The following SHISA9 variants were observed in gnomAD, a reference collection of about 807,000 sequenced individuals.
SHISA9 encodes the protein protein shisa-9.
In SHISA9, 13 loss-of-function variants were observed where a neutral mutation model predicts 38.0. That is an observed-to-expected ratio of 0.34 (90% CI 0.22 to 0.54). The LOEUF (loss-of-function observed/expected upper bound fraction) is 0.54. Ranked by LOEUF, SHISA9 falls within the 20% of genes least tolerant of loss-of-function variation. The probability of loss-of-function intolerance (pLI) is 0.91; values close to 1 mark genes in which losing one functional copy is unlikely to be tolerated. For synonymous variants in SHISA9, 275 were observed against 242.0 expected, an observed-to-expected ratio of 1.14 and a Z score of -1.27; for missense variants, 538 against 575.8, an observed-to-expected ratio of 0.93 and a Z score of 0.67.
At chr16:13,364,131 G>GT in the SHISA9 span, among the ~76,000 whole-genome samples, 3 of 152,228 alleles carry the variant, frequency 2.0e-5, no homozygotes, top group African/African-American at 7.2e-5. Context: ...CTCTTTAAAT[G>GT]TATGTGTCAT....
chr16:13,469,422 A>AG, the SHISA9 span, among the ~76,000 whole-genome samples: 226 of 102,124 alleles, frequency 2.2e-3, 1 homozygote, highest in African/African-American at 7.5e-3. Context: ...AGAAAGAAAG[A>AG]AAAAGAAAGA....
intron 2 of SHISA9, among the ~76,000 whole-genome samples, chr16:12,956,920 A>T (rs1451438790): frequency 1.3e-5 from 2 of 152,188 alleles, no homozygotes; most frequent in Non-Finnish European, 2.9e-5. Context: ...ACCTAGATAA[A>T]GTTATAGATA....
chr16:12,960,949 C>G (rs963977893), intron 2 of SHISA9, among the ~76,000 whole-genome samples: 2 of 151,698 alleles, frequency 1.3e-5, no homozygotes, highest in Admixed American at 6.6e-5. Flanking sequence ...GGCTTTGAGT[C>G]TATTTTGGGA....
At chr16:13,438,655 A>G in the SHISA9 span, among the ~76,000 whole-genome samples, 1 of 152,172 alleles carries the variant, frequency 6.6e-6, no homozygotes, top group Non-Finnish European at 1.5e-5. Context: ...AAATAGGGGG[A>G]AAATAATCAT....
chr16:13,359,926 C>A, the SHISA9 span, among the ~76,000 whole-genome samples: 3 of 152,212 alleles, frequency 2.0e-5, no homozygotes, highest in Admixed American at 6.5e-5. Context: ...TCCCCCAAGA[C>A]TCAAGAAAGC....
At chr16:13,264,477 T>G in the SHISA9 span, among the ~76,000 whole-genome samples, 1 of 152,154 alleles carries the variant, frequency 6.6e-6, no homozygotes, top group African/African-American at 2.4e-5. Context: ...TGGCCTGTTT[T>G]AAATCTTGAG....
At chr16:13,484,590 G>A in the SHISA9 span, among the ~76,000 whole-genome samples, 391 of 152,272 alleles carry the variant, frequency 2.6e-3, 1 homozygote, top group African/African-American at 8.8e-3. Flanking sequence ...GTATTAGTCC[G>A]TTCTCACATT....
chr16:13,488,966 G>C, the SHISA9 span, among the ~76,000 whole-genome samples: 2 of 152,056 alleles, frequency 1.3e-5, no homozygotes, highest in African/African-American at 4.8e-5. Context: ...CTAGAGACGG[G>C]GTTTCACCAC....
chr16:12,938,220 T>C (rs1015086735), intron 2 of SHISA9, among the ~76,000 whole-genome samples: 4 of 152,316 alleles, frequency 2.6e-5, no homozygotes, highest in South Asian at 2.1e-4. Flanking sequence ...TATTTTCCGA[T>C]GGGTCAGTTC....
At chr16:13,551,157 T>C in the SHISA9 span, among the ~76,000 whole-genome samples, 2 of 149,994 alleles carry the variant, frequency 1.3e-5, no homozygotes, top group African/African-American at 2.4e-5. Context: ...GGCACAAAGA[T>C]AAAAATCCAC....
At chr16:13,141,839 C>A (rs2050404723) in intron 2 of SHISA9, among the ~76,000 whole-genome samples, 1 of 152,116 alleles carries the variant, frequency 6.6e-6, no homozygotes, top group Admixed American at 6.5e-5. Flanking sequence ...AGGAAATAGG[C>A]AAGTCATGGG....
the SHISA9 span, among the ~76,000 whole-genome samples, chr16:13,337,288 C>G: frequency 4.6e-5 from 7 of 152,118 alleles, no homozygotes; most frequent in Non-Finnish European, 1.5e-5. Context: ...CCATACTGTT[C>G]TCATGGTAGT....
At chr16:13,137,098 G>A in intron 2 of SHISA9, among the ~76,000 whole-genome samples, 1 of 152,180 alleles carries the variant, frequency 6.6e-6, no homozygotes. Context: ...CCTTTCAGGA[G>A]TTTTCAAGCC....
At chr16:12,997,526 C>T (rs2072473149) in intron 2 of SHISA9, among the ~76,000 whole-genome samples, 1 of 151,656 alleles carries the variant, frequency 6.6e-6, no homozygotes, top group African/African-American at 2.4e-5. Context: ...CCCACCTTAG[C>T]CTCGCCAGTA....
chr16:13,127,114 G>T (rs1244876466), intron 2 of SHISA9, among the ~76,000 whole-genome samples: 1 of 146,982 alleles, frequency 6.8e-6, no homozygotes, highest in African/African-American at 2.5e-5. Context: ...AGAGACTGAG[G>T]GAACAGAGAG....
chr16:13,226,338 G>C (rs949123903), intron 4 of SHISA9, among the ~76,000 whole-genome samples: 2 of 152,178 alleles, frequency 1.3e-5, no homozygotes, highest in Non-Finnish European at 2.9e-5. Flanking sequence ...CATGCACCAG[G>C]CACCAGTTCA....
At position 12,905,663 on chromosome 16, in the gene SHISA9, C is replaced by G. The variant is rs544953180; in HGVS notation, c.563+3036C>G. Among the ~76,000 whole-genome samples the G allele has an allele frequency of 5.9e-5, 9 of 151,918 alleles. 1 individual carries two copies. In the South Asian group the frequency reaches 1.9e-3, roughly 32 times the overall value. On this transcript the variant is annotated intron_variant, in intron 1 of 4. Coordinates refer to ENST00000558583, the MANE Select transcript of SHISA9 (RefSeq NM_001145204.3). ...CTGGAGTGCAGTGGCAGGATCTCCG[C>G]TCACTGCAACCTCCGCCTCCCAGGT...
At chr16:13,368,746 A>G in the SHISA9 span, among the ~76,000 whole-genome samples, 2 of 152,010 alleles carry the variant, frequency 1.3e-5, no homozygotes, top group African/African-American at 4.8e-5. Flanking sequence ...TGCAAAAAAA[A>G]AAAAACCCAC....
intron 2 of SHISA9, among the ~76,000 whole-genome samples, chr16:12,969,051 G>A (rs7196612): frequency 0.028 from 4,293 of 151,610 alleles, 84 homozygotes; most frequent in Non-Finnish European, 0.041. Context: ...CAGCTACTTG[G>A]AAGGCTGAGG....
Sources: allele counts gnomAD v4.1 joint callset (sites outside exome capture counted in the v4.1 genomes callset), GRCh38; gene constraint gnomAD v4.1.1; transcripts MANE v1.5; gene names NCBI Gene and HGNC (gene_info 2026-07-23, HGNC 2026-07-21).